The following THSD7B variants were observed in gnomAD, a reference collection of about 807,000 sequenced individuals.
The protein encoded by THSD7B is thrombospondin type-1 domain-containing protein 7B.
Under a neutral mutation model 213.6 loss-of-function variants are expected in THSD7B, and 138 were observed. The observed-to-expected ratio is 0.65, with a 90% confidence interval of 0.56 to 0.74. The LOEUF is 0.74. Among genes scored for constraint, THSD7B ranks in the 30% least tolerant of loss-of-function variants. THSD7B has a pLI of 0.00. For missense variants in THSD7B, 1,931 were observed against 1,991.5 expected, an observed-to-expected ratio of 0.97 and a Z score of 0.58; for synonymous variants, 742 against 687.0, an observed-to-expected ratio of 1.08 and a Z score of -1.25.
intron 2 of THSD7B, among the ~76,000 whole-genome samples, chr2:137,002,897 G>T (rs2104826577): frequency 6.6e-6 from 1 of 152,168 alleles, no homozygotes; most frequent in African/African-American, 2.4e-5. Context: ...TTAAAAAATA[G>T]ATAATAAAAT....
At chr2:137,097,505 T>C (rs879662598) in intron 4 of THSD7B, among the ~76,000 whole-genome samples, 2 of 152,174 alleles carry the variant, frequency 1.3e-5, no homozygotes, top group Admixed American at 6.6e-5. Flanking sequence ...ATTCTTTCCA[T>C]TATATCACAC....
At chr2:136,769,396 T>C (rs748178565) in intron 1 of THSD7B, among the ~76,000 whole-genome samples, 5 of 152,214 alleles carry the variant, frequency 3.3e-5, no homozygotes, top group Non-Finnish European at 5.9e-5. Flanking sequence ...ATCAAGCATT[T>C]CATTTGAAAG....
chr2:136,813,879 C>T (rs867339410), intron 1 of THSD7B, among the ~76,000 whole-genome samples: 6 of 152,262 alleles, frequency 3.9e-5, no homozygotes, highest in African/African-American at 9.6e-5. Flanking sequence ...CTTTTATTCT[C>T]ATAAGAGTTT....
At chr2:137,345,497 G>A (rs1288429843) in intron 12 of THSD7B, among the ~76,000 whole-genome samples, 1 of 151,778 alleles carries the variant, frequency 6.6e-6, no homozygotes, top group East Asian at 1.9e-4. Context: ...TGAAAGAATT[G>A]AAAGATGTGC....
intron 15 of THSD7B, among the ~76,000 whole-genome samples, chr2:137,517,438 G>A (rs185863298): frequency 6.6e-6 from 1 of 152,322 alleles, no homozygotes; most frequent in Admixed American, 6.5e-5. Flanking sequence ...AATTTCTAGG[G>A]GTCTGGTGGT....
intron 7 of THSD7B, among the ~76,000 whole-genome samples, chr2:137,187,671 C>G (rs1680576532): frequency 6.6e-6 from 1 of 152,012 alleles, no homozygotes; most frequent in African/African-American, 2.4e-5. Flanking sequence ...CCATGAGAAT[C>G]CTGAGAAAGG....
intron 15 of THSD7B, among the ~76,000 whole-genome samples, chr2:137,535,298 GAA>G (rs537312038): frequency 4.8e-5 from 7 of 145,168 alleles, no homozygotes; most frequent in Non-Finnish European, 1.1e-4. Context: ...GAACACATAT[GAA>G]AAAAAAAAGC....
At chr2:136,990,347 A>G (rs2104815051) in intron 2 of THSD7B, among the ~76,000 whole-genome samples, 1 of 152,358 alleles carries the variant, frequency 6.6e-6, no homozygotes, top group Non-Finnish European at 1.5e-5. Flanking sequence ...GAGCTGATAG[A>G]ACAAGCTGGT....
chr2:137,282,515 T>C (rs1282277747), intron 12 of THSD7B, among the ~76,000 whole-genome samples: 3 of 152,326 alleles, frequency 2.0e-5, no homozygotes, highest in East Asian at 3.9e-4. Flanking sequence ...CTAGGTTTTT[T>C]TCTAGAGTTT....
chr2:137,316,129 AT>A (rs766198862), intron 12 of THSD7B, among the ~76,000 whole-genome samples: 5 of 152,224 alleles, frequency 3.3e-5, no homozygotes, highest in Non-Finnish European at 5.9e-5. Context: ...TATGTTGACA[AT>A]TATAGCGAAG....
intron 11 of THSD7B, among the ~76,000 whole-genome samples, chr2:137,274,553 AT>A (rs963950704): frequency 3.4e-4 from 51 of 152,174 alleles, no homozygotes; most frequent in African/African-American, 1.2e-3. Context: ...CCTGGGACAA[AT>A]CATTTAACTT....
At chr2:137,396,087 A>G (rs928427244) in intron 12 of THSD7B, among the ~76,000 whole-genome samples, 5 of 149,390 alleles carry the variant, frequency 3.3e-5, no homozygotes, top group Admixed American at 1.3e-4. Flanking sequence ...GCGGTCTATC[A>G]ATTTTGTTGA....
At chr2:137,422,725 C>A (rs1197369104) in intron 14 of THSD7B, among the ~76,000 whole-genome samples, 1 of 152,072 alleles carries the variant, frequency 6.6e-6, no homozygotes. Context: ...CTCTCTGAGT[C>A]AGACCATACT....
chr2:136,926,316 C>G (rs1363657176), intron 2 of THSD7B, among the ~76,000 whole-genome samples: 1 of 151,822 alleles, frequency 6.6e-6, no homozygotes, highest in Non-Finnish European at 1.5e-5. Context: ...CCTTTTCTGG[C>G]CTTCCTCTTC....
At chr2:137,050,764 A>G (rs1352319436) in intron 2 of THSD7B, among the ~76,000 whole-genome samples, 3 of 152,168 alleles carry the variant, frequency 2.0e-5, no homozygotes, top group Admixed American at 6.5e-5. Flanking sequence ...AATGATTTTT[A>G]TATAACTGAA....
chr2:137,389,060 G>A (rs1685956325), intron 12 of THSD7B, among the ~76,000 whole-genome samples: 1 of 151,426 alleles, frequency 6.6e-6, no homozygotes, highest in Admixed American at 6.6e-5. Context: ...GGGTCATATA[G>A]TAATTCTATT....
chr2:137,095,266 C>T (rs971475717), intron 4 of THSD7B, 145 bp downstream of exon 4: 15 of 1,172,810 alleles, frequency 1.3e-5, no homozygotes, highest in South Asian at 9.8e-5. Flanking sequence ...CATAGGAGAG[C>T]GGGTTAAGAT....
chr2:137,048,593 T>C (rs1045872232), intron 2 of THSD7B, among the ~76,000 whole-genome samples: 3 of 152,230 alleles, frequency 2.0e-5, no homozygotes, highest in Admixed American at 1.3e-4. Flanking sequence ...AGTTGCGTAA[T>C]GGTAAATGAA....
At chr2:137,540,922 A>T (rs143824989) in intron 15 of THSD7B, among the ~76,000 whole-genome samples, 183 of 151,830 alleles carry the variant, frequency 1.2e-3, no homozygotes, top group African/African-American at 4.2e-3. Flanking sequence ...TTAGGAAAGC[A>T]CTGACAAGAC....
Sources: allele counts gnomAD v4.1 joint callset (sites outside exome capture counted in the v4.1 genomes callset), GRCh38; gene constraint gnomAD v4.1.1; transcripts MANE v1.5; gene names NCBI Gene and HGNC (gene_info 2026-07-23, HGNC 2026-07-21).